ADAMDEC1: variants seen among roughly 807,000 people sequenced by gnomAD.
The protein encoded by ADAMDEC1 is ADAM like decysin 1.
A neutral mutation model predicts 60.4 loss-of-function variants in ADAMDEC1; 62 were observed. That is an observed-to-expected ratio of 1.03 (90% confidence interval 0.84 to 1.27). The LOEUF (loss-of-function observed/expected upper bound fraction) is 1.27. ADAMDEC1 is among the 50% of genes most tolerant of loss of function. The pLI is 0.00. For synonymous variants in ADAMDEC1, 210 were observed against 195.1 expected, an observed-to-expected ratio of 1.08 and a Z score of -0.64; for missense variants, 595 against 565.0, an observed-to-expected ratio of 1.05 and a Z score of -0.54.
At chr8:24,389,282 T>C (rs1817376924) in intron 1 of ADAMDEC1, among the ~76,000 whole-genome samples, 1 of 152,196 alleles carries the variant, frequency 6.6e-6, no homozygotes, top group African/African-American at 2.4e-5. Context: ...AGTCTGTCAA[T>C]GGCAATTCTG....
intron 1 of ADAMDEC1, among the ~76,000 whole-genome samples, chr8:24,385,656 C>A (rs541866420): frequency 6.6e-6 from 1 of 152,082 alleles, no homozygotes; most frequent in Non-Finnish European, 1.5e-5. Context: ...AATGACAACA[C>A]AGAACTAACT....
chr8:24,400,943 A>G (rs1219480959), intron 11 of ADAMDEC1, among the ~76,000 whole-genome samples: 2 of 147,998 alleles, frequency 1.4e-5, no homozygotes, highest in African/African-American at 2.5e-5. Context: ...AGCTTCATCC[A>G]TGTCCCTACA....
chr8:24,403,914 C>T (rs935682262), intron 12 of ADAMDEC1, 89 bp from the exon 13 acceptor site: 5 of 1,013,922 alleles, frequency 4.9e-6, no homozygotes, highest in Admixed American at 2.3e-5. Context: ...AGTAAACTTT[C>T]ATTGCCATCT....
rs141222424 is a variant in ADAMDEC1 at position 24,394,174 on chromosome 8, C to T, written c.363+27C>T. On this transcript the variant is annotated intron_variant, in intron 4 of 13. Transcript: ENST00000256412. ...TAGGGTCCGAATACTTTGTGGGTCT[C>T]TTTTGAGTTTTAGATGTTATTAGTT... 3.0e-5 allele frequency: 47 copies of T among 1,553,502 alleles called. No individual in the cohort carries two copies. The East Asian group carries it at 9.2e-4, about 30-fold the overall frequency.
At chr8:24,389,132 C>T (rs1376388497) in intron 1 of ADAMDEC1, among the ~76,000 whole-genome samples, 2 of 152,130 alleles carry the variant, frequency 1.3e-5, no homozygotes, top group African/African-American at 2.4e-5. Flanking sequence ...GATCCCAGAA[C>T]AGGGATTAAT....
intron 1 of ADAMDEC1, among the ~76,000 whole-genome samples, chr8:24,388,283 C>T (rs907681220): frequency 2.0e-5 from 3 of 151,754 alleles, no homozygotes. Context: ...CCCAGCATTC[C>T]CTTTTGCATA....
At position 24,391,003 on chromosome 8, in the gene ADAMDEC1, G is replaced by A. The variant is rs144468542; in HGVS notation, c.89-1259G>A. ...ATTAAAATTCATTCTCATTCCAAGC[G>A]CATGGCTTTTTCCACTAATGGACTC... On this transcript the variant is annotated intron_variant, in intron 1 of 13. Transcript: ENST00000256412. 8.1e-3 allele frequency among the ~76,000 whole-genome samples: 1,236 copies of A among 152,104 alleles called. 13 individuals carry two copies. The highest frequency in any genetic ancestry group is 0.028 in the African/African-American group (1,164 of 41,506).
Position 24,384,480 on chromosome 8 carries a change from T to C in ADAMDEC1, c.-25T>C, listed in dbSNP as rs1817242032. On this transcript the variant is annotated 5_prime_UTR_variant, in exon 1 of 14. Coordinates refer to ENST00000256412, the MANE Select transcript of ADAMDEC1 (RefSeq NM_014479.3). ...AAAGAGAAATTGGAGAAGATAAAACTGGACACTGGGGAGACCACAACTTCA... is the reference window on the plus strand; with the variant it reads ...AAAGAGAAATTGGAGAAGATAAAACCGGACACTGGGGAGACCACAACTTCA... 1 of 1,563,628 alleles carries C rather than the reference T, an allele frequency of 6.4e-7. No homozygotes were observed. The highest frequency in any genetic ancestry group is 8.7e-7 in the Non-Finnish European group (1 of 1,155,562).
At chr8:24,404,529 T>A (rs1322041571) in intron 13 of ADAMDEC1, among the ~76,000 whole-genome samples, 1 of 152,180 alleles carries the variant, frequency 6.6e-6, no homozygotes, top group African/African-American at 2.4e-5. Flanking sequence ...TTTTACTCCC[T>A]TTAAAGTGTC....
chr8:24,389,843 C>T (rs1425177299), intron 1 of ADAMDEC1, among the ~76,000 whole-genome samples: 1 of 152,120 alleles, frequency 6.6e-6, no homozygotes, highest in African/African-American at 2.4e-5. Flanking sequence ...GGTTCAGTCC[C>T]GCATCTTCCT....
Position 24,384,460 on chromosome 8 carries a change from G to T in ADAMDEC1, c.-45G>T, listed in dbSNP as rs10087305. On this transcript the variant is annotated 5_prime_UTR_variant, in exon 1 of 14. Transcript: ENST00000256412. ...AATTTTCTTGTTCAACTTCTAAAGA[G>T]AAATTGGAGAAGATAAAACTGGACA... is the stretch of plus-strand genomic sequence containing the variant. The T allele has an allele frequency of 6.8e-7, 1 of 1,467,116 alleles. No individual in the cohort carries two copies. The highest frequency in any genetic ancestry group is 1.3e-5 in the South Asian group (1 of 78,658). The allele number at this position is 1,467,116 out of a possible 1,614,324, so 90.9% of individuals were successfully genotyped here. A position where few individuals can be genotyped will look rare whatever the true frequency, so the allele number is the denominator to read the frequency against.
Position 24,402,060 on chromosome 8 carries a change from G to T in ADAMDEC1, c.1288G>T (p.Val430Leu). The T allele has an allele frequency of 1.2e-6, 2 of 1,612,588 alleles. No individual in the cohort carries two copies. Among genetic ancestry groups the T allele is most frequent in the Non-Finnish European group, 1.7e-6 (2 of 1,179,002 alleles). The change falls in exon 12 of 14, where the codon GTG becomes TTG. Residue 430 changes from valine to leucine, a missense_variant. Physicochemically the swap from Val to Leu is conservative, Grantham distance 32. Transcript: ENST00000256412. Reference protein sequence around the residue: ...TPVCGNHLLEVGEDCDCGSPK... With the variant: ...TPVCGNHLLELGEDCDCGSPK... ...AGTGTGTGGGAACCACCTTCTAGAA[G>T]TGGGAGAAGACTGTGATTGTGGCTC...
chr8:24,391,303 T>G (rs1817438945), intron 1 of ADAMDEC1, among the ~76,000 whole-genome samples: 1 of 152,194 alleles, frequency 6.6e-6, no homozygotes, highest in African/African-American at 2.4e-5. Context: ...AGACTGACCT[T>G]GTATGAATGA....
chr8:24,392,584 A>C (rs193077357), intron 2 of ADAMDEC1, among the ~76,000 whole-genome samples: 360 of 152,302 alleles, frequency 2.4e-3, no homozygotes, highest in Non-Finnish European at 3.8e-3. Flanking sequence ...CAACAGCCTC[A>C]CTTGATAAGA....
chr8:24,401,442 T>C (rs1209057361), intron 11 of ADAMDEC1, among the ~76,000 whole-genome samples: 1 of 152,176 alleles, frequency 6.6e-6, no homozygotes, highest in Non-Finnish European at 1.5e-5. Context: ...GCAAAGACTT[T>C]GGGATAGAAA....
chr8:24,393,128 A>G, intron 2 of ADAMDEC1, 134 bp from the exon 3 acceptor site: 2 of 555,490 alleles, frequency 3.6e-6, no homozygotes, highest in South Asian at 3.0e-5. Context: ...TTTGTCTTAC[A>G]TATTTTAAAA....
At chr8:24,399,539 T>G in intron 10 of ADAMDEC1, 65 bp downstream of exon 10, 1 of 1,260,548 alleles carries the variant, frequency 7.9e-7, no homozygotes, top group South Asian at 1.2e-5. Flanking sequence ...GCATAACACC[T>G]TATATAGAAT....
rs535533286 is a variant in ADAMDEC1 at position 24,390,042 on chromosome 8, CATAAT to C, written c.89-2212_89-2208del. 379 of 398,716 alleles carry C rather than the reference CATAAT, an allele frequency of 9.5e-4. 3 individuals carry two copies. The highest frequency in any genetic ancestry group is 6.9e-3 in the African/African-American group (330 of 47,912). 24.7% of individuals were successfully genotyped at this position (398,716 alleles called of 1,614,324 possible). A position where few individuals can be genotyped will look rare whatever the true frequency, so the allele number is the denominator to read the frequency against. ...TGTATGCTTCATATGTATAAACATA[CATAAT>C]ATAATATCATTTCCCAATAGAATGT... On this transcript the variant is annotated intron_variant, in intron 1 of 13. Transcript: ENST00000256412.
chr8:24,384,393 T>C lies in ADAMDEC1; in HGVS notation c.-112T>C. On this transcript the variant is annotated 5_prime_UTR_variant, in exon 1 of 14. Transcript: ENST00000256412. ...ATTTTTTGACAATTTCCCAACACTC[T>C]TAAGAAACATTCCCCAATCTCACAC... 1.2e-6 allele frequency: 1 copy of C among 854,360 alleles called. No individual in the cohort carries two copies. Among genetic ancestry groups the C allele is most frequent in the East Asian group, 2.8e-5 (1 of 35,178 alleles). 52.9% of individuals were successfully genotyped at this position (854,360 alleles called of 1,614,324 possible). A position where few individuals can be genotyped will look rare whatever the true frequency, so the allele number is the denominator to read the frequency against.
Sources: gnomAD v4.1 joint callset for allele counts (sites outside exome capture counted in the v4.1 genomes callset) on GRCh38, gnomAD v4.1.1 for gene constraint, MANE v1.5 for transcripts, NCBI Gene and HGNC (gene_info 2026-07-23, HGNC 2026-07-21) for gene names.